RAF1: variants seen among roughly 807,000 people sequenced by gnomAD.
The protein encoded by RAF1 is Raf-1 proto-oncogene, serine/threonine kinase, also known as RAF proto-oncogene serine/threonine-protein kinase.
A neutral mutation model predicts 81.1 loss-of-function variants in RAF1; 27 were observed. The ratio of observed to expected loss-of-function variants is 0.33; its 90% CI spans 0.25 to 0.46. RAF1 has a LOEUF of 0.46. Ranked by LOEUF, RAF1 falls within the 20% of genes least tolerant of loss-of-function variation. RAF1 has a pLI of 1.00. For missense variants in RAF1, 598 were observed against 826.0 expected, an observed-to-expected ratio of 0.72 and a Z score of 3.38; for synonymous variants, 298 against 294.0, an observed-to-expected ratio of 1.01 and a Z score of -0.14.
intron 6 of RAF1, among the ~76,000 whole-genome samples, chr3:12,605,558 G>A (rs1182407004): frequency 6.6e-6 from 1 of 152,182 alleles, no homozygotes; most frequent in Non-Finnish European, 1.5e-5. Context: ...GATTACAGGT[G>A]TGAGCTACCG....
intron 2 of RAF1, among the ~76,000 whole-genome samples, chr3:12,613,404 C>T (rs2059275891): frequency 6.6e-6 from 1 of 151,980 alleles, no homozygotes; most frequent in Non-Finnish European, 1.5e-5. Context: ...CAGCCAACCG[C>T]TCCCCCACCC....
chr3:12,606,797 TGCACCCA>T (rs1280349167), intron 5 of RAF1, among the ~76,000 whole-genome samples: 2 of 152,216 alleles, frequency 1.3e-5, no homozygotes, highest in African/African-American at 4.8e-5. Flanking sequence ...GTTGGTGTGC[TGCACCCA>T]GTAACTTGTC....
chr3:12,619,245 A>AAAAACAAAAC (rs369992000), intron 1 of RAF1, among the ~76,000 whole-genome samples: 8 of 151,454 alleles, frequency 5.3e-5, no homozygotes, highest in East Asian at 1.9e-4. Flanking sequence ...ACTCCACCTC[A>AAAAACAAAAC]AAAACAAAAC....
rs769223562 is a variant in RAF1, at chr3:12,590,887, G to A, written c.1341C>T (p.Ser447=). 2 of 1,612,966 alleles carry A rather than the reference G, an allele frequency of 1.2e-6. No individual in the cohort carries two copies. The highest frequency in any genetic ancestry group is 1.7e-6 in the Non-Finnish European group (2 of 1,178,950). The change falls in exon 13 of 18, where the codon AGC becomes AGT. Residue 447 remains serine (S), a synonymous_variant. Coordinates refer to ENST00000442415, the MANE Select transcript of RAF1 (RefSeq NM_001354689.3). Reference sequence around the variant, plus strand: ...GGACATGCAGGTGTTTGTAGAGGCTGCTGCCCTCGCACCACTGGGTCACAA... The same window carrying A: ...GGACATGCAGGTGTTTGTAGAGGCTACTGCCCTCGCACCACTGGGTCACAA...
chr3:12,648,653 C>G (rs917613781), intron 1 of RAF1, among the ~76,000 whole-genome samples: 1 of 151,838 alleles, frequency 6.6e-6, no homozygotes, highest in Non-Finnish European at 1.5e-5. Flanking sequence ...GGCTGAGGCA[C>G]GAGAATCATG....
chr3:12,599,101 G>A (rs2058780235), intron 11 of RAF1: 1 of 154,082 alleles, frequency 6.5e-6, no homozygotes, highest in Admixed American at 6.4e-5. Flanking sequence ...AACTACATAA[G>A]TTAAATAGTA....
intron 1 of RAF1, among the ~76,000 whole-genome samples, chr3:12,663,512 C>T (rs1038526346): frequency 6.6e-6 from 1 of 152,224 alleles, no homozygotes; most frequent in African/African-American, 2.4e-5. Context: ...CAGCTCTGGG[C>T]GGATTTTCCC....
At chr3:12,590,667 C>G in intron 13 of RAF1, 131 bp downstream of exon 12, 2 of 1,104,590 alleles carry the variant, frequency 1.8e-6, no homozygotes, top group Non-Finnish European at 2.7e-6. Context: ...CCCCTCCAGC[C>G]CAGGCCAGAG....
At chr3:12,628,758 G>C (rs1411275109) in intron 1 of RAF1, among the ~76,000 whole-genome samples, 3 of 139,276 alleles carry the variant, frequency 2.2e-5, no homozygotes, top group Admixed American at 7.2e-5. Flanking sequence ...TTTTGGGGGG[G>C]GGGGGTGGCG....
rs547946670 is a variant in RAF1 at position 12,603,369 on chromosome 3, A to C, written c.894+109T>G. The stretch of plus-strand genomic sequence containing the variant: ...AGAAAACATGGAAACAAGTGACAAG[A>C]AATATAAATTTAACTTAGCAACTAT... On this transcript the variant is annotated intron_variant, in intron 8 of 17. Transcript: ENST00000442415. 7.3e-6 allele frequency: 4 copies of C among 551,120 alleles called. No individual in the cohort carries two copies. The African/African-American group carries it at 7.5e-5, about 10-fold the overall frequency. 34.1% of individuals were successfully genotyped at this position (551,120 alleles called of 1,614,324 possible).
chr3:12,599,631 G>T, intron 11 of RAF1, 60 bp downstream of exon 10: 1 of 1,330,886 alleles, frequency 7.5e-7, no homozygotes, highest in Non-Finnish European at 1.1e-6. Context: ...GGCCCCCTGG[G>T]CTGAAACTTG....
At chr3:12,655,586 G>A (rs2060666537) in intron 1 of RAF1, among the ~76,000 whole-genome samples, 1 of 152,082 alleles carries the variant, frequency 6.6e-6, no homozygotes, top group Non-Finnish European at 1.5e-5. Flanking sequence ...TTACCCTAAG[G>A]CACTGAAAGC....
At chr3:12,634,272 G>A (rs374760120) in intron 1 of RAF1, among the ~76,000 whole-genome samples, 3 of 150,564 alleles carry the variant, frequency 2.0e-5, no homozygotes, top group Admixed American at 6.6e-5. Context: ...TCAGCCTCCC[G>A]AGTAGCTGGG....
chr3:12,648,745 C>CA (rs35821519), intron 1 of RAF1, among the ~76,000 whole-genome samples: 72 of 143,274 alleles, frequency 5.0e-4, no homozygotes, highest in South Asian at 3.3e-3. Context: ...GATTCTGCTT[C>CA]AAAAAAAAAA....
intron 1 of RAF1, among the ~76,000 whole-genome samples, chr3:12,661,467 G>A (rs1248484672): frequency 6.6e-6 from 1 of 152,054 alleles, no homozygotes; most frequent in Non-Finnish European, 1.5e-5. Flanking sequence ...GAGGCCGTGG[G>A]AGGCCGAGGT....
intron 15 of RAF1, 62 bp from the exon 15 acceptor site, chr3:12,585,315 C>A (rs2125323842): frequency 6.2e-7 from 1 of 1,608,172 alleles, no homozygotes; most frequent in Non-Finnish European, 8.5e-7. Flanking sequence ...TCACAGACAT[C>A]TAGGGGCCAG....
At chr3:12,648,884 G>A (rs1041000837) in intron 1 of RAF1, among the ~76,000 whole-genome samples, 1 of 152,204 alleles carries the variant, frequency 6.6e-6, no homozygotes, top group Non-Finnish European at 1.5e-5. Flanking sequence ...GGAGGCCGAC[G>A]TGGGCGGATC....
At chr3:12,644,517 C>A (rs1256716801) in intron 1 of RAF1, among the ~76,000 whole-genome samples, 1 of 152,164 alleles carries the variant, frequency 6.6e-6, no homozygotes, top group African/African-American at 2.4e-5. Context: ...CCTAAAACTT[C>A]TGTCCAAAAG....
At chr3:12,619,926 C>CA (rs887159305) in intron 1 of RAF1, among the ~76,000 whole-genome samples, 2 of 150,734 alleles carry the variant, frequency 1.3e-5, no homozygotes, top group African/African-American at 4.9e-5. Flanking sequence ...ACTAAAAATA[C>CA]AAAAAATTAG....
Sources: allele counts gnomAD v4.1 joint callset (sites outside exome capture counted in the v4.1 genomes callset), GRCh38; gene constraint gnomAD v4.1.1; transcripts MANE v1.5; gene names NCBI Gene and HGNC (gene_info 2026-07-23, HGNC 2026-07-21).